The following VCPKMT variants were observed in gnomAD, a reference collection of about 807,000 sequenced individuals.
VCPKMT encodes protein N-lysine methyltransferase METTL21D.
VCPKMT carries 32 observed loss-of-function variants against 28.6 expected under a neutral mutation model. The ratio of observed to expected loss-of-function variants is 1.12; its 90% CI spans 0.84 to 1.50. The LOEUF (loss-of-function observed/expected upper bound fraction) is 1.50. Ranked by LOEUF, VCPKMT falls within the 40% of genes most tolerant of loss-of-function variation. VCPKMT has a pLI of 0.00. For synonymous variants in VCPKMT, 138 were observed against 111.4 expected, an observed-to-expected ratio of 1.24 and a Z score of -1.50; for missense variants, 366 against 285.0, an observed-to-expected ratio of 1.28 and a Z score of -2.05.
chr14:50,111,161 A>G, intron 5 of VCPKMT: 1 of 960,138 alleles, frequency 1.0e-6, no homozygotes, highest in Non-Finnish European at 1.2e-6. Context: ...CAACTAAAAA[A>G]TAAGAGTTTT....
chr14:50,109,461 T>G lies in VCPKMT; in HGVS notation c.*238A>C. The G allele has an allele frequency of 8.2e-7, 1 of 1,226,974 alleles. No individual in the cohort carries two copies. Among genetic ancestry groups the G allele is most frequent in the Non-Finnish European group, 1.0e-6 (1 of 984,004 alleles). The allele number at this position is 1,226,974 out of a possible 1,614,324, so 76.0% of individuals were successfully genotyped here. Reference sequence around the variant, plus strand: ...CTGATTCCCAACATTTAAGAAGAACTTGATGCTGAACTAAGTAACCTAAGC... The same window carrying G: ...CTGATTCCCAACATTTAAGAAGAACGTGATGCTGAACTAAGTAACCTAAGC... On this transcript the variant is annotated 3_prime_UTR_variant, in exon 6 of 6. Coordinates refer to ENST00000395860, the MANE Select transcript of VCPKMT (RefSeq NM_024558.3).
Position 50,108,684 on chromosome 14 carries a change from C to T in VCPKMT, c.*1015G>A. On this transcript the variant is annotated 3_prime_UTR_variant, in exon 6 of 6. Transcript: ENST00000395860. ...AACACATAAAATGTACCATCTAGCA[C>T]CAATGCCTATAAATACCAGAATTCC... 1.0e-6 allele frequency: 1 copy of T among 985,788 alleles called. No individual in the cohort carries two copies. Among genetic ancestry groups the T allele is most frequent in the African/African-American group, 1.7e-5 (1 of 57,336 alleles). The allele number at this position is 985,788 out of a possible 1,614,324, so 61.1% of individuals were successfully genotyped here.
At chr14:50,107,565 C>A (rs567417844), downstream of VCPKMT, among the ~76,000 whole-genome samples, 1 of 152,110 alleles carries the variant, frequency 6.6e-6, no homozygotes, top group East Asian at 1.9e-4. Context: ...CCGTCTGCCT[C>A]GGCATACAGG....
chr14:50,112,770 G>A (rs374960165), intron 4 of VCPKMT, 51 bp from the exon 5 acceptor site: 2 of 1,267,890 alleles, frequency 1.6e-6, no homozygotes, highest in East Asian at 2.6e-5. Context: ...GAACTGACCT[G>A]TGGGTGACAG....
the VCPKMT span, among the ~76,000 whole-genome samples, chr14:50,102,774 G>C: frequency 5.3e-5 from 8 of 152,160 alleles, no homozygotes; most frequent in Non-Finnish European, 7.3e-5. Flanking sequence ...TTTTCAACCT[G>C]TGAAAATTAA....
chr14:50,107,201 G>A (rs776076617), downstream of VCPKMT, among the ~76,000 whole-genome samples: 3 of 152,260 alleles, frequency 2.0e-5, no homozygotes, highest in Admixed American at 6.5e-5. Context: ...GCCACCTTCA[G>A]TAAGCCCTGT....
chr14:50,114,312 AT>A lies in VCPKMT; in HGVS notation c.542del (p.Asn181IlefsTer14). 6.3e-7 allele frequency: 1 copy of A among 1,585,544 alleles called. No homozygotes were observed. Among genetic ancestry groups the A allele is most frequent in the Admixed American group, 1.8e-5 (1 of 54,210 alleles). The stretch of plus-strand genomic sequence containing the variant: ...CAAAATATTTTTTCTCAATTTCTGG[AT>A]TTTTCCCCATTGTTCGTTGTTCATA... The part of the protein sequence containing the change: ...CCYEQRTMGK[N>X]PEIEKKYFEL... On this transcript the variant is annotated frameshift_variant, in exon 4 of 6. Transcript: ENST00000395860. LOFTEE classifies it high-confidence loss of function.
At chr14:50,105,422 G>C (rs1882286116), downstream of VCPKMT, among the ~76,000 whole-genome samples, 1 of 152,160 alleles carries the variant, frequency 6.6e-6, no homozygotes, top group Non-Finnish European at 1.5e-5. Context: ...CTTGAGGTCA[G>C]GAGCTCCAGA....
downstream of VCPKMT, among the ~76,000 whole-genome samples, chr14:50,104,649 C>T (rs907494071): frequency 1.3e-5 from 2 of 148,582 alleles, no homozygotes; most frequent in African/African-American, 2.5e-5. Context: ...GAACCAAAGA[C>T]ACAGCTTCAG....
At position 50,115,927 on chromosome 14, in the gene VCPKMT, C is replaced by T. The variant is rs780979982; in HGVS notation, c.378-16G>A. On this transcript the variant is annotated splice_polypyrimidine_tract_variant and intron_variant, in intron 2 of 5. Transcript: ENST00000395860. Reference sequence around the variant, plus strand: ...TTCTTCCCCCCTTAAAAATGCCAAACAAATATTTCAATTGTTTTAATAATT... The same window carrying T: ...TTCTTCCCCCCTTAAAAATGCCAAATAAATATTTCAATTGTTTTAATAATT... 3.1e-6 allele frequency: 5 copies of T among 1,612,556 alleles called. No individual in the cohort carries two copies. In the East Asian group the frequency reaches 8.9e-5, roughly 29 times the overall value.
chr14:50,114,517 G>A, intron 3 of VCPKMT, 113 bp from the exon 4 acceptor site: 1 of 718,160 alleles, frequency 1.4e-6, no homozygotes, highest in Non-Finnish European at 2.1e-6. Flanking sequence ...ATCCATCTTT[G>A]AATCAATCCA....
At chr14:50,102,864 TTGAG>T in the VCPKMT span, among the ~76,000 whole-genome samples, 1 of 152,210 alleles carries the variant, frequency 6.6e-6, no homozygotes, top group Non-Finnish European at 1.5e-5. Flanking sequence ...AGACCACCTA[TTGAG>T]TATTCATGAC....
chr14:50,105,504 G>A (rs1594929585), downstream of VCPKMT, among the ~76,000 whole-genome samples: 2 of 152,242 alleles, frequency 1.3e-5, no homozygotes, highest in African/African-American at 4.8e-5. Context: ...GGTGGCAGGT[G>A]CCTGTAATCC....
In VCPKMT at chr14:50,116,528, G is replaced by A. The variant is rs567361542; in HGVS notation, c.25C>T (p.Leu9=). The part of the protein sequence containing the change: MADTLESS[L]EDPLRSFVRV... ...ACAAAGCTCCGCAGTGGGTCCTCCA[G>A]CGAGGACTCCAGCGTATCCGCCATT... The change falls in exon 1 of 6, where the codon CTG becomes TTG. Residue 9 remains leucine (L), a synonymous_variant. Transcript: ENST00000395860. The A allele has an allele frequency of 1.2e-6, 2 of 1,612,844 alleles. No homozygotes were observed. The highest frequency in any genetic ancestry group is 4.5e-5 in the East Asian group (2 of 44,862).
downstream of VCPKMT, among the ~76,000 whole-genome samples, chr14:50,104,625 C>T (rs1471903873): frequency 6.6e-6 from 1 of 151,490 alleles, no homozygotes; most frequent in Non-Finnish European, 1.5e-5. Flanking sequence ...TGGCCTGTGC[C>T]TACAGGACTG....
In VCPKMT at chr14:50,116,320, G is replaced by A. The variant is rs764945739; in HGVS notation, c.233C>T (p.Thr78Ile). Reference sequence around the variant, plus strand: ...AGCAGCCATGAGCCCCACGGCCCCGGTGCCCGAACCCAGCTCCAGCACCGA... The same window carrying A: ...AGCAGCCATGAGCCCCACGGCCCCGATGCCCGAACCCAGCTCCAGCACCGA... ...RRSVLELGSGTGAVGLMAATL... is the reference protein window; with the variant it reads ...RRSVLELGSGIGAVGLMAATL... The change falls in exon 1 of 6, where the codon ACC becomes ATC. Residue 78 changes from threonine to isoleucine, a missense_variant. Physicochemically the swap from Thr to Ile is moderately conservative, Grantham distance 89 (BLOSUM62 -1). Transcript: ENST00000395860. 4 of 1,609,240 alleles carry A rather than the reference G, an allele frequency of 2.5e-6. No homozygotes were observed. The highest frequency in any genetic ancestry group is 1.3e-5 in the African/African-American group (1 of 74,762).
chr14:50,112,850 G>A lies in VCPKMT; in HGVS notation c.571-131C>T, dbSNP rs894639522. ...CACCCAGGCTGGAGTGCAGTGGTGC[G>A]ATCTTGGCTCACTGCAACCTCCACC... On this transcript the variant is annotated intron_variant, in intron 4 of 5. Coordinates refer to ENST00000395860, the MANE Select transcript of VCPKMT (RefSeq NM_024558.3). The A allele has an allele frequency of 5.0e-5, 27 of 542,050 alleles. 1 individual carries two copies. The highest frequency in any genetic ancestry group is 2.8e-4 in the South Asian group (13 of 46,100). The allele number at this position is 542,050 out of a possible 1,614,324, so 33.6% of individuals were successfully genotyped here. A position where few individuals can be genotyped will look rare whatever the true frequency, so the allele number is the denominator to read the frequency against.
chr14:50,112,513 T>TG, intron 5 of VCPKMT, 102 bp downstream of exon 5: 1 of 699,406 alleles, frequency 1.4e-6, no homozygotes, highest in East Asian at 3.0e-5. Context: ...TTAGAGCTGT[T>TG]TCTCCACATC....
chr14:50,113,802 G>GA (rs1555366412), intron 4 of VCPKMT, among the ~76,000 whole-genome samples: 2 of 90,544 alleles, frequency 2.2e-5, no homozygotes, highest in Non-Finnish European at 4.8e-5. Context: ...GGCGGGGGGG[G>GA]GGGGGGGTGA....
Sources: allele counts gnomAD v4.1 joint callset (sites outside exome capture counted in the v4.1 genomes callset), GRCh38; gene constraint gnomAD v4.1.1; transcripts MANE v1.5; gene names NCBI Gene and HGNC (gene_info 2026-07-23, HGNC 2026-07-21).